ANKRD26: variants seen among roughly 807,000 people sequenced by gnomAD.
ANKRD26 encodes the protein ankyrin repeat domain 26, also known as ankyrin repeat domain-containing protein 26.
Under a neutral mutation model 208.7 loss-of-function variants are expected in ANKRD26, and 141 were observed. The ratio of observed to expected loss-of-function variants is 0.68; its 90% CI spans 0.59 to 0.78. The LOEUF is 0.78. Among genes scored for constraint, ANKRD26 ranks in the 30% least tolerant of loss-of-function variants. The pLI, the probability that ANKRD26 is intolerant of heterozygous loss-of-function variation, is 0.00. For missense variants in ANKRD26, 1,889 were observed against 1,938.7 expected, an observed-to-expected ratio of 0.97 and a Z score of 0.48; for synonymous variants, 636 against 660.4, an observed-to-expected ratio of 0.96 and a Z score of 0.57.
intron 27 of ANKRD26, among the ~76,000 whole-genome samples, chr10:27,028,585 C>CAAAAAAAAAAAAAAAAAAAAA (rs11294303): frequency 5.1e-4 from 39 of 76,034 alleles, no homozygotes; most frequent in Middle Eastern, 6.8e-3. Context: ...GACTCCATCT[C>CAAAAAAAAAAAAAAAAAAAAA]AAAAAAAAAA....
At chr10:27,071,158 CATTTTT>C (rs1156461676) in intron 9 of ANKRD26, among the ~76,000 whole-genome samples, 9 of 128,732 alleles carry the variant, frequency 7.0e-5, no homozygotes, top group Non-Finnish European at 1.4e-4. Context: ...TTGCTACATT[CATTTTT>C]TTTTTTTTTT....
chr10:26,958,366 A>G, the ANKRD26 span, among the ~76,000 whole-genome samples: 3 of 152,068 alleles, frequency 2.0e-5, no homozygotes, highest in African/African-American at 4.8e-5. Flanking sequence ...GGTTACAGGC[A>G]TGAGCCACCG....
At chr10:27,022,498 G>T in intron 29 of ANKRD26, 60 bp downstream of exon 29, 1 of 1,289,420 alleles carries the variant, frequency 7.8e-7, no homozygotes, top group South Asian at 1.3e-5. Flanking sequence ...AAAGCATTGA[G>T]AAGTCTATAT....
the ANKRD26 span, among the ~76,000 whole-genome samples, chr10:26,952,476 T>A: frequency 7.5e-6 from 1 of 133,282 alleles, no homozygotes; most frequent in South Asian, 2.3e-4. Flanking sequence ...GGCACCTTGA[T>A]GTTGAATTTC....
chr10:27,046,377 C>T lies in ANKRD26; in HGVS notation c.1961G>A (p.Ser654Asn), dbSNP rs749180518. 2 of 1,614,112 alleles carry T rather than the reference C, an allele frequency of 1.2e-6. No individual in the cohort carries two copies. Among genetic ancestry groups the T allele is most frequent in the Non-Finnish European group, 1.7e-6 (2 of 1,180,010 alleles). The change falls in exon 18 of 34, where the codon AGT (serine) becomes AAT (asparagine). Residue 654 changes from serine to asparagine, a missense_variant. Ser to Asn is a conservative substitution (Grantham distance 46). Transcript: ENST00000376087. Reference sequence around the variant, plus strand: ...CCTTCCTTCATCCTCATCTATTTCACTTAAACTGCTGTCATCATCCACTTG... The same window carrying T: ...CCTTCCTTCATCCTCATCTATTTCATTTAAACTGCTGTCATCATCCACTTG... ...LLQVDDDSSL[S>N]EIDEDEGRPT...
At chr10:26,994,143 G>C (rs2052538058) in intron 5 of ANKRD26, among the ~76,000 whole-genome samples, 1 of 152,136 alleles carries the variant, frequency 6.6e-6, no homozygotes, top group African/African-American at 2.4e-5. Context: ...CTCCACAGCA[G>C]CTCTCTCCAG....
intron 6 of ANKRD26, chr10:27,079,932 CAG>C: frequency 5.6e-6 from 1 of 180,136 alleles, no homozygotes; most frequent in South Asian, 7.9e-5. Flanking sequence ...CCGAGGCGGG[CAG>C]ATCACGAGGT....
At chr10:27,061,323 TTAA>T (rs1439791891) in intron 12 of ANKRD26, 81 bp from the exon 13 acceptor site, 21 of 858,424 alleles carry the variant, frequency 2.4e-5, no homozygotes, top group Admixed American at 1.6e-4. Flanking sequence ...GAATTAGATA[TTAA>T]TAACATTTTA....
At chr10:27,048,761 C>T (rs767131386) in intron 17 of ANKRD26, 40 bp downstream of exon 17, 1 of 1,571,416 alleles carries the variant, frequency 6.4e-7, no homozygotes, top group Admixed American at 1.7e-5. Flanking sequence ...TTTTATAGCA[C>T]AATAACAATT....
intron 15 of ANKRD26, among the ~76,000 whole-genome samples, chr10:27,058,945 C>T (rs535003176): frequency 6.7e-6 from 1 of 149,940 alleles, no homozygotes; most frequent in South Asian, 2.1e-4. Flanking sequence ...GACGTTGTCT[C>T]GCTCTGTCAC....
At chr10:27,003,694 T>A (rs1012954706), downstream of ANKRD26, among the ~76,000 whole-genome samples, 6 of 152,212 alleles carry the variant, frequency 3.9e-5, no homozygotes, top group Non-Finnish European at 7.3e-5. Flanking sequence ...GAACTCAGCC[T>A]GTGTGAAAGC....
intron 5 of ANKRD26, among the ~76,000 whole-genome samples, chr10:27,085,378 C>T (rs12783012): frequency 0.13 from 19,544 of 152,084 alleles, 1,394 homozygotes; most frequent in East Asian, 0.28. Flanking sequence ...GGATTACAGG[C>T]GTGAGCCACC....
chr10:27,068,361 A>C (rs2055343343), intron 9 of ANKRD26, among the ~76,000 whole-genome samples: 2 of 152,174 alleles, frequency 1.3e-5, no homozygotes, highest in Non-Finnish European at 2.9e-5. Flanking sequence ...AAGTTTCCTG[A>C]GGCCTCCCCA....
At chr10:26,962,862 A>G in the ANKRD26 span, among the ~76,000 whole-genome samples, 1 of 152,212 alleles carries the variant, frequency 6.6e-6, no homozygotes, top group Admixed American at 6.5e-5. Context: ...GGAGGTTTGC[A>G]TCTGTGTTCC....
chr10:26,982,865 G>A (rs2052329234), intron 3 of ANKRD26, among the ~76,000 whole-genome samples: 2 of 152,114 alleles, frequency 1.3e-5, no homozygotes, highest in East Asian at 1.9e-4. Flanking sequence ...TTCCTATTAT[G>A]AGCAATAGCT....
At chr10:27,037,806 A>C (rs1352201723) in intron 22 of ANKRD26, 65 bp downstream of exon 22, 1 of 1,281,272 alleles carries the variant, frequency 7.8e-7, no homozygotes, top group Non-Finnish European at 1.1e-6. Context: ...ATTAAATCAA[A>C]AGGATGTGAT....
At chr10:27,043,019 G>T (rs2135281105) in intron 20 of ANKRD26, among the ~76,000 whole-genome samples, 1 of 148,684 alleles carries the variant, frequency 6.7e-6, no homozygotes, top group Non-Finnish European at 1.5e-5. Context: ...GGAAATCTTT[G>T]TGACCCTGTG....
At chr10:27,005,859 T>C (rs2052856756) in intron 33 of ANKRD26, 136 bp from the exon 34 acceptor site, 1 of 1,081,202 alleles carries the variant, frequency 9.2e-7, no homozygotes, top group South Asian at 2.4e-5. Flanking sequence ...TATTATACAA[T>C]ATTACTATTA....
In ANKRD26 at chr10:27,077,079, T is replaced by C. The variant is rs1280894997; in HGVS notation, c.1077+259A>G. ...ACTGCAGACCAATATCTCTGATGAA[T>C]ATAGATACAAAAATCCTCAAGAAAA... On this transcript the variant is annotated intron_variant, in intron 9 of 33. Coordinates refer to ENST00000376087, the MANE Select transcript of ANKRD26 (RefSeq NM_014915.3). 17 of 494,944 alleles carry C rather than the reference T, an allele frequency of 3.4e-5. No individual in the cohort carries two copies. The East Asian group carries it at 6.0e-4, about 17-fold the overall frequency. The allele number at this position is 494,944 out of a possible 1,614,324, so 30.7% of individuals were successfully genotyped here. A position where few individuals can be genotyped will look rare whatever the true frequency, so the allele number is the denominator to read the frequency against.
Sources: gnomAD v4.1 joint callset for allele counts (sites outside exome capture counted in the v4.1 genomes callset) on GRCh38, gnomAD v4.1.1 for gene constraint, MANE v1.5 for transcripts, NCBI Gene and HGNC (gene_info 2026-07-23, HGNC 2026-07-21) for gene names.